Variants in SHE observed in about 807,000 individuals in gnomAD.
The protein encoded by SHE is SH2 domain-containing adapter protein E.
In SHE, 11 loss-of-function variants were observed where a neutral mutation model predicts 49.8. The ratio of observed to expected loss-of-function variants is 0.22; its 90% CI spans 0.14 to 0.37. The LOEUF is 0.37. Ranked by LOEUF, SHE falls within the 10% of genes least tolerant of loss-of-function variation. The pLI is 1.00. For synonymous variants in SHE, 310 were observed against 278.1 expected (o/e 1.11, Z -1.14); for missense variants, 624 against 655.5 (o/e 0.95, Z 0.52).
Position 154,483,889 on chromosome 1 carries a change from T to C in SHE, c.*260A>G. On this transcript the variant is annotated 3_prime_UTR_variant, in exon 6 of 6. Transcript: ENST00000304760. Reference sequence around the variant, plus strand: ...GGTGCGAACCTATAGTCCCACCTACTTGGGAGGCTGATGGGGAAGAACTGC... The same window carrying C: ...GGTGCGAACCTATAGTCCCACCTACCTGGGAGGCTGATGGGGAAGAACTGC... The C allele has an allele frequency of 9.2e-7, 1 of 1,086,560 alleles. No individual in the cohort carries two copies. Among genetic ancestry groups the C allele is most frequent in the Non-Finnish European group, 1.2e-6 (1 of 841,204 alleles). 67.3% of individuals were successfully genotyped at this position (1,086,560 alleles called of 1,614,324 possible). A position where few individuals can be genotyped will look rare whatever the true frequency, so the allele number is the denominator to read the frequency against.
At position 154,501,974 on chromosome 1, in the gene SHE, G is replaced by C. The variant is rs1248914217; in HGVS notation, c.53C>G (p.Ser18Trp). The C allele has an allele frequency of 3.5e-6, 5 of 1,421,970 alleles. No homozygotes were observed. Among genetic ancestry groups the C allele is most frequent in the African/African-American group, 1.5e-5 (1 of 65,998 alleles). The allele number at this position is 1,421,970 out of a possible 1,614,324, so 88.1% of individuals were successfully genotyped here. ...GASACLGWASSLACSTAPTLL... is the reference protein window; with the variant it reads ...GASACLGWASWLACSTAPTLL... ...CGTCGGGGCCGTGGAGCAGGCGAGC[G>C]AGGAAGCCCAGCCCAGACACGCAGA... The change falls in exon 1 of 6, where the codon TCG becomes TGG. Residue 18 changes from serine (S) to tryptophan (W), a missense_variant. By Grantham distance (177) the Ser-to-Trp change is radical. Coordinates refer to ENST00000304760, the MANE Select transcript of SHE (RefSeq NM_001010846.3).
At chr1:154,499,338 G>A (rs1160765270) in intron 1 of SHE, 100 bp from the exon 2 acceptor site, 7 of 1,363,482 alleles carry the variant, frequency 5.1e-6, no homozygotes, top group Non-Finnish European at 7.0e-6. Context: ...ATCCAAGGAG[G>A]TCAAAATCTC....
Position 154,487,742 on chromosome 1 carries a change from C to T in SHE, c.1025-1059G>A, listed in dbSNP as rs544200235. On this transcript the variant is annotated intron_variant, in intron 3 of 5. Coordinates refer to ENST00000304760, the MANE Select transcript of SHE (RefSeq NM_001010846.3). Reference sequence around the variant, plus strand: ...GTGCACGCCTGTAGTCCCAGCTCTTCGGGGGGCTGAGGTGAGAGGACTGCC... The same window carrying T: ...GTGCACGCCTGTAGTCCCAGCTCTTTGGGGGGCTGAGGTGAGAGGACTGCC... 1.0e-3 allele frequency among the ~76,000 whole-genome samples: 156 copies of T among 149,214 alleles called. 1 individual carries two copies. Among genetic ancestry groups the T allele is most frequent in the African/African-American group, 3.6e-3 (145 of 40,552 alleles).
intron 1 of SHE, among the ~76,000 whole-genome samples, chr1:154,473,845 T>C (rs891612597): frequency 4.6e-5 from 7 of 152,162 alleles, no homozygotes; most frequent in Non-Finnish European, 1.0e-4. Context: ...TACCATTTAC[T>C]GCCTCTCCAC....
rs1038639152 is a variant in SHE at position 154,481,081 on chromosome 1, G to A, written c.*3068C>T. On this transcript the variant is annotated 3_prime_UTR_variant, in exon 6 of 6. Coordinates refer to ENST00000304760, the MANE Select transcript of SHE (RefSeq NM_001010846.3). Reference sequence around the variant, plus strand: ...GAAAATACTTGTCTCAAGACAAAATGACAAAAAGCCAGAGCATTCAGAGCT... The same window carrying A: ...GAAAATACTTGTCTCAAGACAAAATAACAAAAAGCCAGAGCATTCAGAGCT... 1 of 985,380 alleles carries A rather than the reference G, an allele frequency of 1.0e-6. No homozygotes were observed. Among genetic ancestry groups the A allele is most frequent in the South Asian group, 4.7e-5 (1 of 21,284 alleles). 61.0% of individuals were successfully genotyped at this position (985,380 alleles called of 1,614,324 possible).
At chr1:154,475,984 G>T (rs941006085), downstream of SHE, among the ~76,000 whole-genome samples, 1 of 152,174 alleles carries the variant, frequency 6.6e-6, no homozygotes, top group South Asian at 2.1e-4. Context: ...TTCTAAAAAA[G>T]CTTGAGATTC....
chr1:154,496,006 A>G (rs1692518487), intron 2 of SHE, among the ~76,000 whole-genome samples: 1 of 152,248 alleles, frequency 6.6e-6, no homozygotes, highest in African/African-American at 2.4e-5. Flanking sequence ...GGACTTGACA[A>G]TCAGGTACAC....
At chr1:154,489,884 C>T (rs12044132) in intron 2 of SHE, among the ~76,000 whole-genome samples, 21,786 of 152,244 alleles carry the variant, frequency 0.14, 2,252 homozygotes, top group East Asian at 0.4. Context: ...CAGCTGGACA[C>T]GATCATCTGA....
chr1:154,488,929 G>T (rs1692270329), intron 3 of SHE, 122 bp downstream of exon 3: 1 of 1,312,332 alleles, frequency 7.6e-7, no homozygotes, highest in East Asian at 2.4e-5. Context: ...TTCCAAAACA[G>T]TTGCACATTG....
At chr1:154,472,878 C>T (rs1028846905) in intron 1 of SHE, among the ~76,000 whole-genome samples, 13 of 152,154 alleles carry the variant, frequency 8.5e-5, no homozygotes, top group African/African-American at 3.1e-4. Context: ...ATAATGGCTA[C>T]TGGCTGGGCG....
rs372306567 is a variant in SHE, at chr1:154,479,699, A to G, written c.*4450T>C. 1.0e-6 allele frequency: 1 copy of G among 984,428 alleles called. No individual in the cohort carries two copies. The allele number at this position is 984,428 out of a possible 1,614,324, so 61.0% of individuals were successfully genotyped here. On this transcript the variant is annotated 3_prime_UTR_variant, in exon 6 of 6. Coordinates refer to ENST00000304760, the MANE Select transcript of SHE (RefSeq NM_001010846.3). ...TATTAGTTGATATCTAAAATATTAA[A>G]GCCCCTGACAAACTGAACGGCTAAG... is the stretch of plus-strand genomic sequence containing the variant.
chr1:154,501,987 C>T lies in SHE; in HGVS notation c.40G>A (p.Gly14Ser). The T allele has an allele frequency of 2.1e-6, 3 of 1,402,456 alleles. No homozygotes were observed. In the South Asian group the frequency reaches 4.7e-5, roughly 22 times the overall value. The allele number at this position is 1,402,456 out of a possible 1,614,324, so 86.9% of individuals were successfully genotyped here. The change falls in exon 1 of 6, where the codon GGC (glycine) becomes AGC (serine). Residue 14 changes from glycine (G) to serine (S), a missense_variant. Around this residue, in one of 4 missense-constraint regions of SHE, gnomAD observed 337 missense variants for 306.0 expected, o/e 1.10. Transcript: ENST00000304760. ...SPTPGASACL[G>S]WASSLACSTA... ...GAGCAGGCGAGCGAGGAAGCCCAGC[C>T]CAGACACGCAGAGGCGCCAGGGGTC...
At chr1:154,488,131 C>T (rs933100830) in intron 3 of SHE, among the ~76,000 whole-genome samples, 12 of 151,792 alleles carry the variant, frequency 7.9e-5, no homozygotes, top group South Asian at 2.1e-4. Context: ...TTAGTAAAGA[C>T]GGCGTTTCAC....
downstream of SHE, among the ~76,000 whole-genome samples, chr1:154,477,932 T>C (rs1270793014): frequency 2.0e-5 from 3 of 150,496 alleles, no homozygotes; most frequent in South Asian, 4.2e-4. Flanking sequence ...AAGAAAACTC[T>C]GCACTCATTA....
Position 154,482,029 on chromosome 1 carries a change from T to C in SHE, c.*2120A>G, listed in dbSNP as rs1388822487. 6.2e-6 allele frequency: 1 copy of C among 161,696 alleles called. No individual in the cohort carries two copies. The highest frequency in any genetic ancestry group is 2.4e-5 in the African/African-American group (1 of 40,874). The allele number at this position is 161,696 out of a possible 1,614,324, so 10.0% of individuals were successfully genotyped here. On this transcript the variant is annotated 3_prime_UTR_variant, in exon 6 of 6. Coordinates refer to ENST00000304760, the MANE Select transcript of SHE (RefSeq NM_001010846.3). ...GCCAGGCTTTTTTTTTTTTTTTTTT[T>C]TGAGATGGAGTTTCGCTCTTGTCAC...
chr1:154,471,015 CA>C (rs36080925), intron 1 of SHE, among the ~76,000 whole-genome samples: 1,503 of 136,112 alleles, frequency 0.011, 21 homozygotes, highest in African/African-American at 0.036. Context: ...GACTCCATCT[CA>C]AAAAAAAAAA....
downstream of SHE, among the ~76,000 whole-genome samples, chr1:154,475,671 T>C (rs767812983): frequency 1.1e-4 from 17 of 152,342 alleles, no homozygotes; most frequent in East Asian, 5.8e-4. Context: ...CTATGAAAAA[T>C]TGTTTATTAA....
In SHE at chr1:154,494,849, C is replaced by T. The variant is rs149255951; in HGVS notation, c.718+4263G>A. 3.2e-3 allele frequency among the ~76,000 whole-genome samples: 486 copies of T among 152,242 alleles called. 2 individuals carry two copies. Among genetic ancestry groups the T allele is most frequent in the African/African-American group, 0.011 (471 of 41,522 alleles). On this transcript the variant is annotated intron_variant, in intron 2 of 5. Transcript: ENST00000304760. The stretch of plus-strand genomic sequence containing the variant: ...GGAGGATGACTTGAGGCCAGGAGTT[C>T]GAGACCAGTCTGACCAACATGGTGA...
chr1:154,473,997 T>C (rs370005969), intron 1 of SHE, among the ~76,000 whole-genome samples: 2 of 152,252 alleles, frequency 1.3e-5, no homozygotes, highest in African/African-American at 4.8e-5. Context: ...TGAACTAGAC[T>C]CCAAACCTGG....
Sources: gnomAD v4.1 joint callset for allele counts (sites outside exome capture counted in the v4.1 genomes callset) on GRCh38, gnomAD v4.1.1 for gene constraint, gnomAD v4.1.1 regional missense constraint, MANE v1.5 for transcripts, NCBI Gene and HGNC (gene_info 2026-07-23, HGNC 2026-07-21) for gene names.